CXADR: variants seen among roughly 807,000 people sequenced by gnomAD.
CXADR encodes coxsackievirus and adenovirus receptor.
A neutral mutation model predicts 40.3 loss-of-function variants in CXADR; 20 were observed. The ratio of observed to expected loss-of-function variants is 0.50; its 90% confidence interval spans 0.35 to 0.72. The LOEUF is 0.72. Among genes scored for constraint, CXADR ranks in the 30% least tolerant of loss-of-function variants. The pLI, the probability that CXADR is intolerant of heterozygous loss-of-function variation, is 0.01. For missense variants in CXADR, 332 were observed against 449.1 expected, an observed-to-expected ratio of 0.74 and a Z score of 2.36; for synonymous variants, 150 against 161.3, an observed-to-expected ratio of 0.93 and a Z score of 0.53.
At chr21:17,610,753 T>C in the CXADR span, among the ~76,000 whole-genome samples, 1 of 152,252 alleles carries the variant, frequency 6.6e-6, no homozygotes, top group Non-Finnish European at 1.5e-5. Flanking sequence ...GCCTCTGCTA[T>C]GTTTAGCATA....
At chr21:17,572,444 T>C (rs1409279358), downstream of CXADR, among the ~76,000 whole-genome samples, 3 of 152,038 alleles carry the variant, frequency 2.0e-5, no homozygotes, top group African/African-American at 7.2e-5. Context: ...TGCACTTGGC[T>C]TAAAGAGTTA....
intron 7 of CXADR, chr21:17,576,951 A>G (rs2061326433): frequency 2.0e-5 from 3 of 152,242 alleles, no homozygotes; most frequent in South Asian, 4.1e-4. Flanking sequence ...TAGTTAAACA[A>G]TATTTAACTA....
At chr21:17,532,361 T>C (rs1483255771) in intron 1 of CXADR, among the ~76,000 whole-genome samples, 1 of 152,196 alleles carries the variant, frequency 6.6e-6, no homozygotes, top group Non-Finnish European at 1.5e-5. Flanking sequence ...ACTCAATGTT[T>C]CCCATTTCAA....
intron 7 of CXADR, among the ~76,000 whole-genome samples, chr21:17,579,885 A>T (rs754026813): frequency 4.0e-5 from 3 of 74,220 alleles, no homozygotes; most frequent in Admixed American, 1.2e-4. Flanking sequence ...GTATTTTATT[A>T]AAAAAAAAAA....
intron 1 of CXADR, among the ~76,000 whole-genome samples, chr21:17,517,798 A>C (rs982415532): frequency 6.6e-6 from 1 of 152,202 alleles, no homozygotes; most frequent in African/African-American, 2.4e-5. Flanking sequence ...GATGAGGAAG[A>C]ATATTACCAA....
chr21:17,595,314 AATT>A (rs1428231461), downstream of CXADR, among the ~76,000 whole-genome samples: 4 of 152,030 alleles, frequency 2.6e-5, no homozygotes, highest in Non-Finnish European at 5.9e-5. Context: ...TTTTTAAAAA[AATT>A]ATATTGTGTA....
chr21:17,559,972 T>A (rs201272437), intron 4 of CXADR, among the ~76,000 whole-genome samples: 30 of 15,976 alleles, frequency 1.9e-3, no homozygotes, highest in Admixed American at 5.9e-3. Flanking sequence ...GCCTGGCGAA[T>A]TTTTTTTTTT....
At chr21:17,542,316 G>A (rs967829941) in intron 1 of CXADR, among the ~76,000 whole-genome samples, 3 of 152,226 alleles carry the variant, frequency 2.0e-5, no homozygotes, top group East Asian at 1.9e-4. Context: ...AGAAGCCAAC[G>A]CATGTTATCA....
the CXADR span, among the ~76,000 whole-genome samples, chr21:17,610,696 AAG>A: frequency 6.6e-6 from 1 of 152,188 alleles, no homozygotes; most frequent in Admixed American, 6.5e-5. Context: ...TGCCTTTAGT[AAG>A]CAACATCACC....
chr21:17,607,113 C>A, the CXADR span, among the ~76,000 whole-genome samples: 30 of 152,252 alleles, frequency 2.0e-4, no homozygotes, highest in Admixed American at 1.5e-3. Context: ...TTTTCTACTT[C>A]AAATACAGCT....
exon 8 of CXADR, chr21:17,593,446 C>A: frequency 3.6e-6 from 1 of 277,354 alleles, no homozygotes; most frequent in East Asian, 5.9e-5. Context: ...ATTATATTTT[C>A]AATAACTACC....
intron 1 of CXADR, among the ~76,000 whole-genome samples, chr21:17,515,052 C>T (rs1053627000): frequency 2.6e-5 from 4 of 151,896 alleles, no homozygotes; most frequent in African/African-American, 9.7e-5. Flanking sequence ...TCATTGTGCT[C>T]ATAAGGTATA....
the CXADR span, among the ~76,000 whole-genome samples, chr21:17,621,117 A>AT: frequency 8.1e-4 from 123 of 152,372 alleles, no homozygotes; most frequent in African/African-American, 2.9e-3. Context: ...TATTAAGCAC[A>AT]TTCACATCTA....
chr21:17,608,308 G>A, the CXADR span, among the ~76,000 whole-genome samples: 2,549 of 152,070 alleles, frequency 0.017, 71 homozygotes, highest in African/African-American at 0.057. Flanking sequence ...AGGAGTTTGA[G>A]GCTGCAGTGA....
At chr21:17,574,938 T>C (rs933553793), downstream of CXADR, among the ~76,000 whole-genome samples, 2 of 151,754 alleles carry the variant, frequency 1.3e-5, no homozygotes, top group African/African-American at 4.8e-5. Flanking sequence ...GGCACTTCAC[T>C]CAAATAGGAA....
chr21:17,565,776 AC>A lies in CXADR; in HGVS notation c.*85del, dbSNP rs2061199940. 7 of 1,516,200 alleles carry A rather than the reference AC, an allele frequency of 4.6e-6. No individual in the cohort carries two copies. In the African/African-American group the frequency reaches 7.0e-5, roughly 15 times the overall value. The allele number at this position is 1,516,200 out of a possible 1,614,324, so 93.9% of individuals were successfully genotyped here. On this transcript the variant is annotated 3_prime_UTR_variant, in exon 7 of 7. Coordinates refer to ENST00000284878, the MANE Select transcript of CXADR (RefSeq NM_001338.5). ...AACCTATTCTGGTCTAAATTGTGTT[AC>A]TAGCCTCAAAATACATCAAAAAATA...
At chr21:17,542,069 T>C (rs1205561461) in intron 1 of CXADR, 9 of 343,692 alleles carry the variant, frequency 2.6e-5, no homozygotes, top group Non-Finnish European at 4.5e-5. Context: ...ATTTTTAGTA[T>C]AGTTAAATTT....
At chr21:17,634,988 C>A in the CXADR span, among the ~76,000 whole-genome samples, 357 of 152,258 alleles carry the variant, frequency 2.3e-3, 2 homozygotes, top group Non-Finnish European at 2.4e-3. Context: ...ATTCCTTGGA[C>A]ATAATCCCAT....
At chr21:17,625,761 C>T in the CXADR span, among the ~76,000 whole-genome samples, 1 of 152,226 alleles carries the variant, frequency 6.6e-6, no homozygotes, top group African/African-American at 2.4e-5. Flanking sequence ...TAATTATCAA[C>T]AGCATACCTT....
Sources: allele counts gnomAD v4.1 joint callset (sites outside exome capture counted in the v4.1 genomes callset), GRCh38; gene constraint gnomAD v4.1.1; transcripts MANE v1.5; gene names NCBI Gene and HGNC (gene_info 2026-07-23, HGNC 2026-07-21).